DST: variants seen among roughly 807,000 people sequenced by gnomAD.
The protein encoded by DST is dystonin.
In DST, 253 loss-of-function variants were observed where a neutral mutation model predicts 875.2. That is an observed-to-expected ratio of 0.29 (90% CI 0.26 to 0.32). The LOEUF (loss-of-function observed/expected upper bound fraction) is 0.32, where lower values mean the gene tolerates loss of function less well. DST is among the 10% of genes least tolerant of loss of function. The probability of loss-of-function intolerance (pLI) is 1.00; values close to 1 mark genes in which losing one functional copy is unlikely to be tolerated. For missense variants in DST, 8,287 were observed against 9,111.6 expected (o/e 0.91, Z 3.68); for synonymous variants, 3,124 against 3,197.1 (o/e 0.98, Z 0.77).
chr6:56,519,178 A>G (rs1342965182), intron 69 of DST, among the ~76,000 whole-genome samples: 1 of 152,116 alleles, frequency 6.6e-6, no homozygotes, highest in African/African-American at 2.4e-5. Flanking sequence ...AAAAACTAGC[A>G]ACCACACAAC....
At chr6:56,654,278 T>A (rs187549118) in intron 10 of DST, among the ~76,000 whole-genome samples, 2,342 of 152,176 alleles carry the variant, frequency 0.015, 51 homozygotes, top group African/African-American at 0.053. Flanking sequence ...TCTTTAAACA[T>A]GTTTATATCC....
At chr6:56,688,135 A>G (rs2099201326) in intron 9 of DST, among the ~76,000 whole-genome samples, 1 of 152,202 alleles carries the variant, frequency 6.6e-6, no homozygotes, top group African/African-American at 2.4e-5. Flanking sequence ...TATTTTCACA[A>G]ACTGGTTATG....
At chr6:56,813,384 T>C (rs575047033) in intron 4 of DST, among the ~76,000 whole-genome samples, 8 of 138,654 alleles carry the variant, frequency 5.8e-5, no homozygotes, top group African/African-American at 2.0e-4. Flanking sequence ...TAAAGTATAA[T>C]AATAATAAAA....
At chr6:56,526,152 C>T (rs2096793265) in intron 69 of DST, among the ~76,000 whole-genome samples, 1 of 152,202 alleles carries the variant, frequency 6.6e-6, no homozygotes. Context: ...AACAATGAGG[C>T]AGATGGCTGT....
At position 56,526,499 on chromosome 6, in the gene DST, C is replaced by G; in HGVS notation, c.17991G>C (p.Leu5997Phe). ...LDSLNEVSSA[L>F]LELVPWRARE... ...TTGCCCTCCATGGTACCAGTTCCAG[C>G]AAAGCACTGCTCACTTCATTAAGGG... Residue 5997 changes from leucine to phenylalanine, a missense_variant, in exon 69 of 104, where the codon TTG becomes TTC. Physicochemically the swap from Leu to Phe is conservative, Grantham distance 22. Transcript: ENST00000680361. 1 of 1,613,848 alleles carries G rather than the reference C, an allele frequency of 6.2e-7. No homozygotes were observed. Among genetic ancestry groups the G allele is most frequent in the Non-Finnish European group, 8.5e-7 (1 of 1,179,804 alleles).
chr6:56,947,549 GCTTCT>G (rs1284377497), intron 2 of DST, among the ~76,000 whole-genome samples: 1 of 152,148 alleles, frequency 6.6e-6, no homozygotes, highest in Non-Finnish European at 1.5e-5. Flanking sequence ...CGCCCAGCCT[GCTTCT>G]CTTAAGAGGA....
chr6:56,635,732 C>G lies in DST; in HGVS notation c.3061-18G>C, dbSNP rs1171237550. The G allele has an allele frequency of 1.2e-6, 2 of 1,612,856 alleles. No homozygotes were observed. The highest frequency in any genetic ancestry group is 1.7e-6 in the Non-Finnish European group (2 of 1,179,684). On this transcript the variant is annotated intron_variant, in intron 23 of 103. Transcript: ENST00000680361. ...TTGAAAAACTAAGGAAAGATGAAAC[C>G]TGGAAGTTAAAGTATGTTAAATACC...
At chr6:56,520,458 G>A (rs1474954157) in intron 69 of DST, among the ~76,000 whole-genome samples, 1 of 152,092 alleles carries the variant, frequency 6.6e-6, no homozygotes, top group Non-Finnish European at 1.5e-5. Context: ...TTCTTGTGGT[G>A]AGGGGAATAT....
At chr6:56,475,434 C>CACACAA (rs1554218118) in intron 92 of DST, among the ~76,000 whole-genome samples, 1 of 144,620 alleles carries the variant, frequency 6.9e-6, no homozygotes, top group African/African-American at 2.5e-5. Flanking sequence ...CACACACACA[C>CACACAA]AAAATAATGG....
chr6:56,501,783 C>G, intron 78 of DST, 90 bp from the exon 79 acceptor site: 1 of 968,404 alleles, frequency 1.0e-6, no homozygotes, highest in African/African-American at 1.7e-5. Flanking sequence ...TATTCTAATT[C>G]ACACTACTTA....
intron 36 of DST, chr6:56,614,933 AATAT>A: frequency 4.0e-6 from 4 of 991,168 alleles, no homozygotes. Context: ...TCCAACACAT[AATAT>A]TCATAATGTT....
At chr6:56,511,144 C>A in intron 73 of DST, 53 bp downstream of exon 73, 1 of 1,421,838 alleles carries the variant, frequency 7.0e-7, no homozygotes, top group Non-Finnish European at 9.6e-7. Context: ...AAATGTCTTT[C>A]TGTGCTCTGT....
Position 56,489,599 on chromosome 6 carries a change from G to A in DST, c.20768C>T (p.Ala6923Val). 1.2e-6 allele frequency: 2 copies of A among 1,610,262 alleles called. No homozygotes were observed. The highest frequency in any genetic ancestry group is 1.1e-5 in the South Asian group (1 of 90,196). The part of the protein sequence containing the change: ...ARKRAKQFHE[A>V]WSKLMEWLEE... Reference sequence around the variant, plus strand: ...TAGCCACTCCATAAGTTTACTCCAAGCTTCATGGAACTAGAAAGAAATTCA... The same window carrying A: ...TAGCCACTCCATAAGTTTACTCCAAACTTCATGGAACTAGAAAGAAATTCA... The change falls in exon 86 of 104, where the codon GCT becomes GTT. Residue 6923 changes from alanine to valine, a missense_variant. Around this residue, in one of 10 missense-constraint regions of DST, gnomAD observed 1,292 missense variants for 1,552.7 expected, o/e 0.83. Coordinates refer to ENST00000680361, the MANE Select transcript of DST (RefSeq NM_001374736.1).
Position 56,608,800 on chromosome 6 carries a change from T to C in DST, c.5828A>G (p.Asn1943Ser), listed in dbSNP as rs1323018065. Residue 1943 changes from asparagine (N) to serine (S), a missense_variant, in exon 40 of 104, where the codon AAC becomes AGC. Asn to Ser is a conservative substitution (Grantham distance 46). This residue lies in a region of DST where 3,138 missense variants were observed against 3,116.6 expected (regional missense o/e 1.01). Transcript: ENST00000680361. ...DMVQRSTLQE[N>S]TGMWLLPVRP... ...CACAGGTAGAAGCCACATCCCTGTG[T>C]TTTCCTGTAAAGTACTTCTTTGTAC... is the stretch of plus-strand genomic sequence containing the variant. 1.9e-6 allele frequency: 3 copies of C among 1,610,556 alleles called. No homozygotes were observed. The highest frequency in any genetic ancestry group is 2.5e-6 in the Non-Finnish European group (3 of 1,178,140).
rs971049787 is a variant in DST, at chr6:56,616,149, G to A, written c.4930-1665C>T. ...ACAGGACTGTGCAAATCTTTCTTGG[G>A]GACTAACCGGCTCAGCAAAGAATCA... On this transcript the variant is annotated intron_variant, in intron 36 of 103. Transcript: ENST00000680361. 4.3e-6 allele frequency: 7 copies of A among 1,613,994 alleles called. No homozygotes were observed. The highest frequency in any genetic ancestry group is 8.5e-7 in the Non-Finnish European group (1 of 1,180,036).
intron 69 of DST, among the ~76,000 whole-genome samples, chr6:56,525,374 C>CA (rs2152504078): frequency 6.6e-6 from 1 of 152,284 alleles, no homozygotes; most frequent in East Asian, 1.9e-4. Flanking sequence ...CCCTCCTTCA[C>CA]AAAAATTTCT....
rs147673575 is a variant in DST at position 56,731,580 on chromosome 6, C to T, written c.687+3648G>A. Among the ~76,000 whole-genome samples the T allele has an allele frequency of 2.3e-3, 345 of 152,336 alleles. 2 individuals are homozygous for T. The highest frequency in any genetic ancestry group is 3.7e-3 in the Admixed American group (57 of 15,304). ...ATAGAGATGGTTTTACCTCTTCCTA[C>T]TCAGTGAAACCATCAATAAGAGATT... is the stretch of plus-strand genomic sequence containing the variant. On this transcript the variant is annotated intron_variant, in intron 5 of 103. Transcript: ENST00000680361.
chr6:56,948,821 C>A (rs1282706300), intron 2 of DST, among the ~76,000 whole-genome samples: 1 of 152,180 alleles, frequency 6.6e-6, no homozygotes, highest in Non-Finnish European at 1.5e-5. Flanking sequence ...TCTTTACCTG[C>A]CTTAAGCACC....
At position 56,664,058 on chromosome 6, in the gene DST, G is replaced by A. The variant is rs141476004; in HGVS notation, c.1214+6583C>T. On this transcript the variant is annotated intron_variant, in intron 10 of 103. Coordinates refer to ENST00000680361, the MANE Select transcript of DST (RefSeq NM_001374736.1). The stretch of plus-strand genomic sequence containing the variant: ...GCATAAGACAGGCAGAAACTAGTAA[G>A]CAGAAATAATCTCTTCAAACACACA... Among the ~76,000 whole-genome samples, 505 of 151,994 alleles carry A rather than the reference G, an allele frequency of 3.3e-3. 3 individuals carry two copies. The highest frequency in any genetic ancestry group is 0.012 in the African/African-American group (490 of 41,468).
Sources: gnomAD v4.1 joint callset for allele counts (sites outside exome capture counted in the v4.1 genomes callset) on GRCh38, gnomAD v4.1.1 for gene constraint, gnomAD v4.1.1 regional missense constraint, MANE v1.5 for transcripts, NCBI Gene and HGNC (gene_info 2026-07-23, HGNC 2026-07-21) for gene names.